FRMPD1: variants seen among roughly 807,000 people sequenced by gnomAD.
FRMPD1 encodes FERM and PDZ domain-containing protein 1.
A neutral mutation model predicts 117.8 loss-of-function variants in FRMPD1; 76 were observed. The observed-to-expected ratio is 0.65, with a 90% CI of 0.54 to 0.78. The LOEUF (loss-of-function observed/expected upper bound fraction) is 0.78, where lower values mean the gene tolerates loss of function less well. FRMPD1 is among the 30% of genes least tolerant of loss of function. The pLI is 0.00. For synonymous variants in FRMPD1, 783 were observed against 770.4 expected, an observed-to-expected ratio of 1.02 and a Z score of -0.27; for missense variants, 1,786 against 1,964.5, an observed-to-expected ratio of 0.91 and a Z score of 1.72.
chr9:37,737,180 G>A lies in FRMPD1; in HGVS notation c.1486G>A (p.Val496Ile), dbSNP rs1048699925. 5.0e-6 allele frequency: 8 copies of A among 1,613,956 alleles called. No individual in the cohort carries two copies. The Admixed American group carries it at 8.3e-5, about 17-fold the overall frequency. ...AGYYRLLVDP[V>I]TSIFLWPGNK... The stretch of plus-strand genomic sequence containing the variant: ...GTACTACAGGCTGTTGGTTGACCCA[G>A]TTACCTCCATTTTCCTCTGGCCTGG... The change falls in exon 14 of 16, where the codon GTT (valine) becomes ATT (isoleucine). Residue 496 changes from valine (V) to isoleucine (I), a missense_variant. Coordinates refer to ENST00000377765, the MANE Select transcript of FRMPD1 (RefSeq NM_014907.3).
Position 37,719,112 on chromosome 9 carries a change from G to A in FRMPD1, c.452G>A (p.Arg151Lys). The change falls in exon 6 of 16, where the codon AGA becomes AAA. Residue 151 changes from arginine to lysine, a missense_variant. Coordinates refer to ENST00000377765, the MANE Select transcript of FRMPD1 (RefSeq NM_014907.3). ...TTCCTGACCGAGGAGAAGAGAGCCA[G>A]ACTGAAGACCAACCCCGTGAAGGTG... Reference protein sequence around the residue: ...SSFLTEEKRARLKTNPVKVHF... With the variant: ...SSFLTEEKRAKLKTNPVKVHF... 6.2e-7 allele frequency: 1 copy of A among 1,613,884 alleles called. No individual in the cohort carries two copies. The highest frequency in any genetic ancestry group is 8.5e-7 in the Non-Finnish European group (1 of 1,179,732).
At chr9:37,622,470 G>A in the FRMPD1 span, among the ~76,000 whole-genome samples, 18,055 of 152,112 alleles carry the variant, frequency 0.12, 3,131 homozygotes, top group African/African-American at 0.38. Context: ...AGAGAGACAA[G>A]GTTCTAAAAA....
chr9:37,692,883 A>G (rs1335351525), intron 2 of FRMPD1, 141 bp downstream of exon 2: 2 of 663,682 alleles, frequency 3.0e-6, no homozygotes, highest in Non-Finnish European at 5.3e-6. Flanking sequence ...AGCAGTGTAA[A>G]CAGGTCAGCA....
chr9:37,617,447 T>C, the FRMPD1 span, among the ~76,000 whole-genome samples: 1 of 152,232 alleles, frequency 6.6e-6, no homozygotes, highest in Admixed American at 6.5e-5. Context: ...TTTCCTCACA[T>C]GTAAAATGGA....
chr9:37,633,107 C>A, the FRMPD1 span, among the ~76,000 whole-genome samples: 1 of 151,444 alleles, frequency 6.6e-6, no homozygotes, highest in Non-Finnish European at 1.5e-5. Flanking sequence ...TGATTATGAT[C>A]TTGGCTCACT....
At chr9:37,682,048 A>G (rs948873929) in intron 1 of FRMPD1, among the ~76,000 whole-genome samples, 2 of 152,238 alleles carry the variant, frequency 1.3e-5, no homozygotes, top group African/African-American at 2.4e-5. Context: ...TGACAGTTAC[A>G]TAGGATTTGA....
intron 1 of FRMPD1, among the ~76,000 whole-genome samples, chr9:37,652,585 C>A (rs1820711801): frequency 6.6e-6 from 1 of 152,156 alleles, no homozygotes; most frequent in Non-Finnish European, 1.5e-5. Flanking sequence ...TGAGGGTGTG[C>A]TTGGTGACCA....
At chr9:37,709,555 A>T (rs933260520) in intron 4 of FRMPD1, among the ~76,000 whole-genome samples, 1 of 152,068 alleles carries the variant, frequency 6.6e-6, no homozygotes, top group African/African-American at 2.4e-5. Context: ...ACTCCATCTC[A>T]AAAAAAGAGA....
rs201737747 is a variant in FRMPD1, at chr9:37,732,392, G to T, written c.947G>T (p.Arg316Leu). 3.7e-6 allele frequency: 6 copies of T among 1,613,864 alleles called. No individual in the cohort carries two copies. Among genetic ancestry groups the T allele is most frequent in the Non-Finnish European group, 5.1e-6 (6 of 1,180,002 alleles). Residue 316 changes from arginine to leucine, a missense_variant, in exon 10 of 16, where the codon CGG becomes CTG. Coordinates refer to ENST00000377765, the MANE Select transcript of FRMPD1 (RefSeq NM_014907.3). ...LRLAALHIQE[R>L]IYACAQPQKI... is the part of the protein sequence containing the mutation. ...CTCGCGGCTCTGCACATCCAGGAAC[G>T]GATCTACGCCTGTGCCCAGCCACAG...
chr9:37,726,560 T>A (rs568788479), intron 7 of FRMPD1, among the ~76,000 whole-genome samples: 2 of 152,128 alleles, frequency 1.3e-5, no homozygotes, highest in East Asian at 3.9e-4. Flanking sequence ...TAGCCAGGCA[T>A]GGTGGTGCAA....
At chr9:37,610,908 C>CT in the FRMPD1 span, among the ~76,000 whole-genome samples, 1 of 152,078 alleles carries the variant, frequency 6.6e-6, no homozygotes, top group Non-Finnish European at 1.5e-5. Context: ...GCCTCACATT[C>CT]TTTTTTAAAC....
chr9:37,626,089 G>T, the FRMPD1 span, among the ~76,000 whole-genome samples: 1 of 152,156 alleles, frequency 6.6e-6, no homozygotes, highest in South Asian at 2.1e-4. Context: ...CACTTTAAGA[G>T]CCTGAGGCAG....
At chr9:37,609,056 T>C in the FRMPD1 span, among the ~76,000 whole-genome samples, 1 of 152,172 alleles carries the variant, frequency 6.6e-6, no homozygotes, top group East Asian at 1.9e-4. Flanking sequence ...TTTGGGAGGC[T>C]GAGGCGGGCA....
intron 7 of FRMPD1, among the ~76,000 whole-genome samples, chr9:37,727,104 C>T (rs1034404036): frequency 6.6e-5 from 10 of 152,118 alleles, no homozygotes. Flanking sequence ...TTGGGATAAG[C>T]AGCAGAAGAT....
chr9:37,684,313 T>C (rs1460875005), intron 1 of FRMPD1, among the ~76,000 whole-genome samples: 2 of 152,254 alleles, frequency 1.3e-5, no homozygotes, highest in Non-Finnish European at 2.9e-5. Flanking sequence ...CATGCCTCAG[T>C]TTCCTTTTTT....
the FRMPD1 span, among the ~76,000 whole-genome samples, chr9:37,635,430 C>CTT: frequency 7.3e-5 from 11 of 151,374 alleles, no homozygotes; most frequent in Admixed American, 1.3e-4. Context: ...ATGTTTTTTT[C>CTT]TTTTTTTTTG....
intron 14 of FRMPD1, 124 bp from the exon 15 acceptor site, chr9:37,739,954 A>C (rs538045072): frequency 1.9e-4 from 138 of 723,802 alleles, no homozygotes; most frequent in African/African-American, 1.8e-3. Flanking sequence ...GGACGGTCTT[A>C]GGCCAGCCAC....
rs1437495608 is a variant in FRMPD1 at position 37,708,504 on chromosome 9, A to T, written c.362+3A>T. 1 of 1,526,654 alleles carries T rather than the reference A, an allele frequency of 6.6e-7. No individual in the cohort carries two copies. The highest frequency in any genetic ancestry group is 9.1e-7 in the Non-Finnish European group (1 of 1,099,954). 94.6% of individuals were successfully genotyped at this position (1,526,654 alleles called of 1,614,324 possible). ...GAACGAGCAGTCGATATTCTCAGGT[A>T]CTAAATGGTCTTCCATCATCTACAG... On this transcript the variant is annotated splice_donor_region_variant and intron_variant, in intron 4 of 15. Coordinates refer to ENST00000377765, the MANE Select transcript of FRMPD1 (RefSeq NM_014907.3).
At chr9:37,643,318 T>C in the FRMPD1 span, among the ~76,000 whole-genome samples, 6 of 152,170 alleles carry the variant, frequency 3.9e-5, no homozygotes, top group African/African-American at 1.4e-4. Context: ...CTCCATTTGG[T>C]ACTATTATTT....
Sources: allele counts gnomAD v4.1 joint callset (sites outside exome capture counted in the v4.1 genomes callset), GRCh38; gene constraint gnomAD v4.1.1; transcripts MANE v1.5; gene names NCBI Gene and HGNC (gene_info 2026-07-23, HGNC 2026-07-21).